JMJD1C: variants seen among roughly 807,000 people sequenced by gnomAD.
JMJD1C encodes jumonji domain-containing protein 1C.
JMJD1C carries 31 observed loss-of-function variants against 245.3 expected under a neutral mutation model. The ratio of observed to expected loss-of-function variants is 0.13; its 90% CI spans 0.09 to 0.17. The LOEUF (loss-of-function observed/expected upper bound fraction) is 0.17. Ranked by LOEUF, JMJD1C falls within the 10% of genes least tolerant of loss-of-function variation. The probability of loss-of-function intolerance (pLI) is 1.00; values close to 1 mark genes in which losing one functional copy is unlikely to be tolerated. For missense variants in JMJD1C, 2,691 were observed against 3,000.2 expected (o/e 0.90, Z 2.41); for synonymous variants, 1,057 against 1,017.4 (o/e 1.04, Z -0.74).
intron 3 of JMJD1C, among the ~76,000 whole-genome samples, chr10:63,221,851 A>T (rs1848635321): frequency 6.6e-6 from 1 of 152,164 alleles, no homozygotes; most frequent in East Asian, 1.9e-4. Context: ...CCTCCTGAGT[A>T]GCTGGGGTTA....
intron 2 of JMJD1C, among the ~76,000 whole-genome samples, chr10:63,321,168 T>G (rs2134108451): frequency 6.6e-6 from 1 of 152,374 alleles, no homozygotes; most frequent in East Asian, 1.9e-4. Context: ...CCATCCCATG[T>G]ATCTTCATCT....
chr10:63,510,294 C>T lies in JMJD1C; in HGVS notation n.113+11444G>A, dbSNP rs530914863. Among the ~76,000 whole-genome samples, 110 of 152,244 alleles carry T rather than the reference C, an allele frequency of 7.2e-4. 1 individual carries two copies. The highest frequency in any genetic ancestry group is 2.4e-3 in the African/African-American group (98 of 41,546). ...CTGGGACTACAGGCATGAGCCACCGCGCTCGGCCAATTTTGGATCTTTCAT... is the reference window on the plus strand; with the variant it reads ...CTGGGACTACAGGCATGAGCCACCGTGCTCGGCCAATTTTGGATCTTTCAT... On this transcript the variant is annotated intron_variant and non_coding_transcript_variant, in intron 1 of 3. Transcript: ENST00000633035.
intron 3 of JMJD1C, among the ~76,000 whole-genome samples, chr10:63,223,995 G>A (rs907900528): frequency 3.9e-5 from 6 of 151,928 alleles, no homozygotes; most frequent in African/African-American, 9.7e-5. Flanking sequence ...CTCTTGATCC[G>A]CCTGCGTCCG....
intron 1 of JMJD1C, among the ~76,000 whole-genome samples, chr10:63,483,461 G>A (rs778509158): frequency 1.5e-4 from 23 of 152,236 alleles, no homozygotes; most frequent in Non-Finnish European, 2.9e-4. Context: ...CTGCCTCTGC[G>A]CATTAGATTT....
chr10:63,458,163 CTTT>C (rs1249386198), intron 1 of JMJD1C, among the ~76,000 whole-genome samples: 1 of 152,148 alleles, frequency 6.6e-6, no homozygotes, highest in Non-Finnish European at 1.5e-5. Flanking sequence ...CTAAATCTTT[CTTT>C]GTCAGATTAA....
intron 1 of JMJD1C, among the ~76,000 whole-genome samples, chr10:63,517,924 C>G (rs1185050801): frequency 6.6e-6 from 1 of 151,518 alleles, no homozygotes; most frequent in African/African-American, 2.4e-5. Context: ...TGCCAAGTAG[C>G]TGGGATTACA....
intron 1 of JMJD1C, among the ~76,000 whole-genome samples, chr10:63,508,235 T>C (rs1180461025): frequency 1.3e-5 from 2 of 152,042 alleles, no homozygotes; most frequent in Admixed American, 1.3e-4. Flanking sequence ...TTTGAAAATA[T>C]TATATCTTTT....
chr10:63,320,723 A>G (rs1940747436), intron 2 of JMJD1C, among the ~76,000 whole-genome samples: 1 of 152,230 alleles, frequency 6.6e-6, no homozygotes, highest in African/African-American at 2.4e-5. Context: ...TTGTAGATAC[A>G]GGCACTAGGA....
Position 63,494,434 on chromosome 10 carries a change from T to C in JMJD1C, n.113+27304A>G, listed in dbSNP as rs146387477. 3.3e-3 allele frequency among the ~76,000 whole-genome samples: 498 copies of C among 152,314 alleles called. 1 individual carries two copies. The highest frequency in any genetic ancestry group is 0.012 in the African/African-American group (483 of 41,576). On this transcript the variant is annotated intron_variant and non_coding_transcript_variant, in intron 1 of 3. Coordinates refer to the JMJD1C transcript ENST00000633035. ...CATTTAAGTTAAAAATGTCATCATA[T>C]TGTGTATATTAGAAAGCAAAGATAT... is the stretch of plus-strand genomic sequence containing the variant.
chr10:63,512,571 G>T (rs1471811381), intron 1 of JMJD1C, among the ~76,000 whole-genome samples: 1 of 152,048 alleles, frequency 6.6e-6, no homozygotes, highest in Non-Finnish European at 1.5e-5. Context: ...TTTTATCTTA[G>T]TTTCTCTATA....
At chr10:63,199,514 CCT>C (rs1027778061) in intron 11 of JMJD1C, among the ~76,000 whole-genome samples, 2 of 152,146 alleles carry the variant, frequency 1.3e-5, no homozygotes, top group Non-Finnish European at 2.9e-5. Flanking sequence ...CCAAATTTCT[CCT>C]TTTTGTCATA....
intron 2 of JMJD1C, among the ~76,000 whole-genome samples, chr10:63,325,338 T>TTTTTG (rs1264774423): frequency 6.6e-5 from 10 of 152,044 alleles, no homozygotes; most frequent in Admixed American, 1.3e-4. Context: ...GTGTTTTGGT[T>TTTTTG]TTTTGTTTTG....
At chr10:63,315,452 T>G (rs909236673) in intron 2 of JMJD1C, among the ~76,000 whole-genome samples, 55 of 152,218 alleles carry the variant, frequency 3.6e-4, no homozygotes, top group African/African-American at 1.2e-3. Flanking sequence ...AACCTTAACA[T>G]TTCTTGCAGT....
At chr10:63,202,690 C>T in intron 10 of JMJD1C, 1 of 985,402 alleles carries the variant, frequency 1.0e-6, no homozygotes, top group Non-Finnish European at 1.2e-6. Context: ...AACCACACAC[C>T]ACATCTCCCG....
intron 1 of JMJD1C, among the ~76,000 whole-genome samples, chr10:63,476,287 G>T (rs1488602570): frequency 6.7e-6 from 1 of 149,818 alleles, no homozygotes; most frequent in African/African-American, 2.4e-5. Context: ...ATAATGCACT[G>T]AAGGTAATCA....
intron 2 of JMJD1C, chr10:63,380,094 C>T (rs1212596828): frequency 4.0e-6 from 2 of 500,556 alleles, no homozygotes; most frequent in African/African-American, 2.0e-5. Context: ...TATGTGCCAC[C>T]ACATCCAGCT....
At chr10:63,479,793 C>T (rs1223878820) in intron 1 of JMJD1C, among the ~76,000 whole-genome samples, 4 of 152,114 alleles carry the variant, frequency 2.6e-5, no homozygotes, top group Admixed American at 2.0e-4. Flanking sequence ...TACATTAGGA[C>T]ACACATAATG....
In JMJD1C at chr10:63,191,016, A is replaced by T; in HGVS notation, c.6169T>A (p.Ser2057Thr). ...GTTGAGCCTTGTTCATTATTCTGGG[A>T]CACAAGAGGTGATGTTCTGCCATTT... ...SPNGRTSPLV[S>T]QNNEQGSTLR... The change falls in exon 17 of 26, where the codon TCC (serine) becomes ACC (threonine). Residue 2057 changes from serine to threonine, a missense_variant. Ser to Thr is a moderately conservative substitution (Grantham distance 58, BLOSUM62 1). Around this residue, in one of 9 missense-constraint regions of JMJD1C, gnomAD observed 275 missense variants for 285.5 expected, o/e 0.96. Coordinates refer to ENST00000399262, the MANE Select transcript of JMJD1C (RefSeq NM_032776.3). 6.2e-7 allele frequency: 1 copy of T among 1,614,106 alleles called. No homozygotes were observed. Among genetic ancestry groups the T allele is most frequent in the South Asian group, 1.1e-5 (1 of 91,082 alleles).
chr10:63,421,853 AAG>A (rs1305397153), intron 1 of JMJD1C, among the ~76,000 whole-genome samples: 1 of 152,216 alleles, frequency 6.6e-6, no homozygotes, highest in Admixed American at 6.5e-5. Flanking sequence ...GCAACCCAGG[AAG>A]AGAGCCCACA....
Sources: gnomAD v4.1 joint callset for allele counts (sites outside exome capture counted in the v4.1 genomes callset) on GRCh38, gnomAD v4.1.1 for gene constraint, gnomAD v4.1.1 regional missense constraint, MANE v1.5 for transcripts, NCBI Gene and HGNC (gene_info 2026-07-23, HGNC 2026-07-21) for gene names.